The following NDUFAF7 variants were observed in gnomAD, a reference collection of about 807,000 sequenced individuals.
NDUFAF7 encodes the protein NADH:ubiquinone oxidoreductase complex assembly factor 7, also known as protein arginine methyltransferase NDUFAF7, mitochondrial.
In NDUFAF7, 48 loss-of-function variants were observed where a neutral mutation model predicts 47.2. The observed-to-expected ratio is 1.02, with a 90% CI of 0.81 to 1.29. NDUFAF7 has a LOEUF of 1.29. Among genes scored for constraint, NDUFAF7 ranks in the 50% most tolerant of loss-of-function variants. The pLI is 0.00. For missense variants in NDUFAF7, 635 were observed against 537.6 expected, an observed-to-expected ratio of 1.18 and a Z score of -1.79; for synonymous variants, 217 against 190.0, an observed-to-expected ratio of 1.14 and a Z score of -1.17.
downstream of NDUFAF7, among the ~76,000 whole-genome samples, chr2:37,249,926 C>G (rs1055901640): frequency 6.6e-6 from 1 of 151,702 alleles, no homozygotes; most frequent in African/African-American, 2.4e-5. Context: ...GCTGCTTCTG[C>G]TTGACAGGAG....
chr2:37,256,618 C>G (rs1306006308), downstream of NDUFAF7: 1 of 1,448,006 alleles, frequency 6.9e-7, no homozygotes, highest in East Asian at 2.6e-5. Flanking sequence ...GCTTAAAACA[C>G]ATAGCCAAAA....
At chr2:37,235,988 T>C in intron 2 of NDUFAF7, 108 bp from the exon 3 acceptor site, 1 of 993,264 alleles carries the variant, frequency 1.0e-6, no homozygotes, top group East Asian at 2.5e-5. Context: ...GAGAACTTTC[T>C]TACTAAATAA....
chr2:37,269,709 TTAGTATTA>T, the NDUFAF7 span: 2 of 1,513,732 alleles, frequency 1.3e-6, no homozygotes, highest in East Asian at 4.5e-5. Context: ...AAGTAAGGAG[TTAGTATTA>T]TTTATTTCTA....
At chr2:37,253,374 G>A (rs765688832), downstream of NDUFAF7, 11 of 1,575,842 alleles carry the variant, frequency 7.0e-6, no homozygotes, top group South Asian at 1.3e-4. Flanking sequence ...AAATTGTAAT[G>A]ATGAAACAAA....
chr2:37,247,458 G>A lies in NDUFAF7; in HGVS notation c.939G>A (p.Gly313=), dbSNP rs770437013. ...HDGTKTDTFR[G]FCDHKLHDVL... ...AATCTGATTTCTTTATGTTCAAGGG[G>A]TTTTGCGACCACAAGCTTCATGATG... Residue 313 remains glycine, a splice_region_variant and synonymous_variant, in exon 9 of 10, where the codon GGG becomes GGA. Transcript: ENST00000002125. The A allele has an allele frequency of 6.2e-7, 1 of 1,613,858 alleles. No individual in the cohort carries two copies. Among genetic ancestry groups the A allele is most frequent in the East Asian group, 2.2e-5 (1 of 44,862 alleles).
intron 3 of NDUFAF7, among the ~76,000 whole-genome samples, chr2:37,237,171 T>C (rs112490316): frequency 0.017 from 2,561 of 152,264 alleles, 45 homozygotes; most frequent in African/African-American, 0.044. Flanking sequence ...AGTTTCTCCA[T>C]GTTGGTCAGG....
At chr2:37,232,593 C>A (rs1056568719) in intron 2 of NDUFAF7, among the ~76,000 whole-genome samples, 1 of 152,058 alleles carries the variant, frequency 6.6e-6, no homozygotes, top group Non-Finnish European at 1.5e-5. Context: ...AGAAGGAATA[C>A]GGGAGGAAGG....
rs554134703 is a variant in NDUFAF7, at chr2:37,233,433, G to A, written c.216+1167G>A. On this transcript the variant is annotated intron_variant, in intron 2 of 9. Coordinates refer to ENST00000002125, the MANE Select transcript of NDUFAF7 (RefSeq NM_144736.5). Reference sequence around the variant, plus strand: ...TCACGAGGTCAGGAGTTTGAGACCAGCCTGACCAACTTGGTGAAACCCCGT... The same window carrying A: ...TCACGAGGTCAGGAGTTTGAGACCAACCTGACCAACTTGGTGAAACCCCGT... Among the ~76,000 whole-genome samples, 71 of 152,292 alleles carry A rather than the reference G, an allele frequency of 4.7e-4. No homozygotes were observed. The South Asian group carries it at 0.014, about 31-fold the overall frequency.
intron 4 of NDUFAF7, among the ~76,000 whole-genome samples, chr2:37,240,867 G>A (rs932082901): frequency 3.9e-5 from 6 of 151,980 alleles, no homozygotes; most frequent in African/African-American, 1.2e-4. Context: ...TTTGTATTTC[G>A]ATCTCAAAAC....
chr2:37,232,577 T>C (rs926385482), intron 2 of NDUFAF7, among the ~76,000 whole-genome samples: 1 of 152,152 alleles, frequency 6.6e-6, no homozygotes, highest in Non-Finnish European at 1.5e-5. Flanking sequence ...GATTCATTGC[T>C]TTGGGAGAAG....
chr2:37,244,861 A>G (rs1481679768), intron 7 of NDUFAF7, among the ~76,000 whole-genome samples: 1 of 152,208 alleles, frequency 6.6e-6, no homozygotes. Flanking sequence ...ACTACCAAGA[A>G]CTAACCTCCT....
At chr2:37,238,508 T>TC (rs895676901) in intron 4 of NDUFAF7, among the ~76,000 whole-genome samples, 1 of 151,924 alleles carries the variant, frequency 6.6e-6, no homozygotes, top group Non-Finnish European at 1.5e-5. Context: ...CGTAGCACTT[T>TC]GGGGGGCCAA....
At chr2:37,263,247 A>ATTT in the NDUFAF7 span, among the ~76,000 whole-genome samples, 1 of 152,170 alleles carries the variant, frequency 6.6e-6, no homozygotes, top group Non-Finnish European at 1.5e-5. Flanking sequence ...ATATTCTGAA[A>ATTT]TTTTGATTTC....
rs1308945463 is a variant in NDUFAF7, at chr2:37,248,358, G to T, written c.*8G>T. ...GAACTTGCTTGGCAGTGATATTTCA[G>T]CTTGGACATTTTACCCTTCAGTCGG... On this transcript the variant is annotated 3_prime_UTR_variant, in exon 10 of 10. Coordinates refer to ENST00000002125, the MANE Select transcript of NDUFAF7 (RefSeq NM_144736.5). 3 of 1,611,128 alleles carry T rather than the reference G, an allele frequency of 1.9e-6. No homozygotes were observed. Among genetic ancestry groups the T allele is most frequent in the Admixed American group, 3.3e-5 (2 of 59,996 alleles).
downstream of NDUFAF7, among the ~76,000 whole-genome samples, chr2:37,249,600 CACA>C (rs1261809811): frequency 2.7e-5 from 3 of 110,412 alleles, no homozygotes; most frequent in South Asian, 5.9e-4. Flanking sequence ...CACACACACA[CACA>C]GAGGGGAGAT....
chr2:37,254,253 A>T (rs771697868), downstream of NDUFAF7: 2 of 1,612,844 alleles, frequency 1.2e-6, no homozygotes, highest in African/African-American at 2.7e-5. Flanking sequence ...ACGTTTTCTC[A>T]TCTTCACTTG....
intron 4 of NDUFAF7, among the ~76,000 whole-genome samples, chr2:37,239,919 T>C (rs180699195): frequency 2.2e-3 from 338 of 152,320 alleles, no homozygotes; most frequent in South Asian, 7.9e-3. Context: ...CCACAGGGGC[T>C]TTGGAGATAA....
chr2:37,261,653 G>A, the NDUFAF7 span, among the ~76,000 whole-genome samples: 4 of 144,616 alleles, frequency 2.8e-5, no homozygotes, highest in Admixed American at 1.4e-4. Context: ...GGTGGCGCAA[G>A]CCTGTAATCC....
intron 2 of NDUFAF7, among the ~76,000 whole-genome samples, chr2:37,233,663 A>G (rs563661256): frequency 9.2e-5 from 14 of 151,956 alleles, no homozygotes; most frequent in Non-Finnish European, 1.6e-4. Flanking sequence ...TTCAGAAGAA[A>G]GACTGGGCAG....
Sources: gnomAD v4.1 joint callset for allele counts (sites outside exome capture counted in the v4.1 genomes callset) on GRCh38, gnomAD v4.1.1 for gene constraint, MANE v1.5 for transcripts, NCBI Gene and HGNC (gene_info 2026-07-23, HGNC 2026-07-21) for gene names.